The following MDH2 variants were observed in gnomAD, a reference collection of about 807,000 sequenced individuals.
The protein encoded by MDH2 is malate dehydrogenase 2, also known as malate dehydrogenase, mitochondrial.
A neutral mutation model predicts 33.6 loss-of-function variants in MDH2; 25 were observed. The observed-to-expected ratio is 0.74, with a 90% confidence interval of 0.54 to 1.04. MDH2 has a LOEUF of 1.04. Ranked by LOEUF, MDH2 falls within the 50% of genes least tolerant of loss-of-function variation. MDH2 has a pLI of 0.00. For missense variants in MDH2, 432 were observed against 445.0 expected, an observed-to-expected ratio of 0.97 and a Z score of 0.26; for synonymous variants, 193 against 188.7, an observed-to-expected ratio of 1.02 and a Z score of -0.19.
chr7:76,048,653 TC>T lies in MDH2; in HGVS notation c.66+429del, dbSNP rs797031787. On this transcript the variant is annotated intron_variant, in intron 1 of 8. Coordinates refer to ENST00000315758, the MANE Select transcript of MDH2 (RefSeq NM_005918.4). ...GCGTGAATAAAAGAAATCGTATACT[TC>T]CTAATTCCATAGTATGGACAAACCG... is the stretch of plus-strand genomic sequence containing the variant. 6 of 1,263,170 alleles carry T rather than the reference TC, an allele frequency of 4.7e-6. 1 individual carries two copies. The African/African-American group carries it at 9.3e-5, about 20-fold the overall frequency. The allele number at this position is 1,263,170 out of a possible 1,614,324, so 78.2% of individuals were successfully genotyped here.
At chr7:76,053,001 C>T (rs902159759) in intron 1 of MDH2, among the ~76,000 whole-genome samples, 30 of 152,290 alleles carry the variant, frequency 2.0e-4, no homozygotes, top group Admixed American at 1.4e-3. Context: ...ACCACCATGC[C>T]AGCCTGAGCA....
chr7:76,060,587 A>G, intron 5 of MDH2, 89 bp downstream of exon 5: 2 of 1,549,778 alleles, frequency 1.3e-6, no homozygotes, highest in Admixed American at 1.9e-5. Context: ...ACATGAAGGC[A>G]TGCCCAGGTC....
intron 8 of MDH2, among the ~76,000 whole-genome samples, 195 bp from the exon 9 acceptor site, chr7:76,066,084 C>G (rs782237685): frequency 1.3e-5 from 2 of 152,108 alleles, no homozygotes; most frequent in Non-Finnish European, 2.9e-5. Flanking sequence ...GCCTGGCACC[C>G]TCTGGCTCTG....
At chr7:76,062,619 G>A (rs1486953889) in intron 5 of MDH2, among the ~76,000 whole-genome samples, 1 of 152,224 alleles carries the variant, frequency 6.6e-6, no homozygotes, top group Non-Finnish European at 1.5e-5. Flanking sequence ...TCCGTTTTAA[G>A]AAATACTTGG....
chr7:76,056,054 C>T (rs1443134938), intron 2 of MDH2, among the ~76,000 whole-genome samples: 3 of 152,110 alleles, frequency 2.0e-5, no homozygotes, highest in Non-Finnish European at 2.9e-5. Flanking sequence ...TCTAGAACTC[C>T]TGACCTCAAA....
intron 5 of MDH2, among the ~76,000 whole-genome samples, chr7:76,062,640 C>T (rs571007453): frequency 6.4e-4 from 97 of 152,352 alleles, no homozygotes; most frequent in African/African-American, 2.2e-3. Flanking sequence ...TTCAGCCGGG[C>T]GCAGTGGTGC....
At chr7:76,060,606 CT>C in intron 5 of MDH2, 108 bp downstream of exon 5, 1 of 1,482,446 alleles carries the variant, frequency 6.7e-7, no homozygotes, top group Non-Finnish European at 9.0e-7. Context: ...TCACGTGTCA[CT>C]TTGGGGTTTT....
chr7:76,066,227 T>C (rs1798092863), intron 8 of MDH2, 52 bp from the exon 9 acceptor site: 40 of 1,588,276 alleles, frequency 2.5e-5, no homozygotes, highest in African/African-American at 4.1e-5. Context: ...GGGGTTTCTC[T>C]AACAAGCACT....
At chr7:76,065,830 C>T (rs782467516) in intron 8 of MDH2, among the ~76,000 whole-genome samples, 2 of 152,216 alleles carry the variant, frequency 1.3e-5, no homozygotes, top group Non-Finnish European at 2.9e-5. Context: ...ATTCAGGTGA[C>T]TGTGACAATG....
At chr7:76,062,537 G>T (rs1554587159) in intron 5 of MDH2, among the ~76,000 whole-genome samples, 1 of 152,206 alleles carries the variant, frequency 6.6e-6, no homozygotes, top group African/African-American at 2.4e-5. Context: ...CCTAGGACTG[G>T]GCTCTTCAGT....
intron 4 of MDH2, 49 bp from the exon 5 acceptor site, chr7:76,060,324 C>G: frequency 6.2e-7 from 1 of 1,605,462 alleles, no homozygotes; most frequent in East Asian, 2.2e-5. Context: ...TGGCTTGGCC[C>G]TGCTCTCGGA....
chr7:76,060,448 G>C lies in MDH2; in HGVS notation c.505G>C (p.Val169Leu). The change falls in exon 5 of 9, where the codon GTG (valine) becomes CTG (leucine). Residue 169 changes from valine (V) to leucine (L), a missense_variant. Transcript: ENST00000315758. ...GVYNPNKIFG[V>L]TTLDIVRANT... ...GTACAACCCCAACAAAATCTTCGGC[G>C]TGACGACCCTGGACATCGTCAGAGC... 6.2e-7 allele frequency: 1 copy of C among 1,614,126 alleles called. No homozygotes were observed. The highest frequency in any genetic ancestry group is 8.5e-7 in the Non-Finnish European group (1 of 1,180,032).
At chr7:76,064,722 G>A (rs979170659) in intron 7 of MDH2, 80 bp from the exon 8 acceptor site, 2 of 1,471,846 alleles carry the variant, frequency 1.4e-6, no homozygotes, top group Non-Finnish European at 9.1e-7. Flanking sequence ...AGGTGTGCAG[G>A]TGTCTTGGCT....
chr7:76,058,407 C>G (rs78827697), intron 4 of MDH2, among the ~76,000 whole-genome samples: 11,396 of 152,230 alleles, frequency 0.075, 525 homozygotes, highest in Middle Eastern at 0.14. Flanking sequence ...GTGGTGGTCT[C>G]TTGATTCCCT....
intron 1 of MDH2, among the ~76,000 whole-genome samples, chr7:76,049,242 G>C (rs1797504109): frequency 6.6e-6 from 1 of 152,132 alleles, no homozygotes; most frequent in African/African-American, 2.4e-5. Context: ...CAAAAGGCGA[G>C]TTTAACTTTG....
Position 76,064,918 on chromosome 7 carries a change from G to A in MDH2, c.850G>A (p.Glu284Lys). The A allele has an allele frequency of 6.2e-7, 1 of 1,614,178 alleles. No homozygotes were observed. Among genetic ancestry groups the A allele is most frequent in the Non-Finnish European group, 8.5e-7 (1 of 1,180,038 alleles). ...TTCCTTCGTTAAGTCACAGGAAACG[G>A]AATGTACCTACTTCTCCACACCGCT... ...ECSFVKSQET[E>K]CTYFSTPLLL... Residue 284 changes from glutamate to lysine, a missense_variant, in exon 8 of 9, where the codon GAA (glutamate) becomes AAA (lysine). Physicochemically the swap from Glu to Lys is moderately conservative, Grantham distance 56 (BLOSUM62 1). Coordinates refer to ENST00000315758, the MANE Select transcript of MDH2 (RefSeq NM_005918.4).
chr7:76,048,258 A>G, intron 1 of MDH2, 32 bp downstream of exon 1: 3 of 1,527,594 alleles, frequency 2.0e-6, no homozygotes, highest in Non-Finnish European at 2.6e-6. Context: ...CTGCAGGCGG[A>G]GGCCCCCCGG....
At chr7:76,063,622 C>T (rs1554587332) in intron 6 of MDH2, 30 bp downstream of exon 6, 7 of 1,601,854 alleles carry the variant, frequency 4.4e-6, no homozygotes, top group South Asian at 2.2e-5. Context: ...TGAGGGGCTT[C>T]GAGGTCAGGA....
Position 76,062,402 on chromosome 7 carries a change from G to A in MDH2, c.556-1113G>A, listed in dbSNP as rs142638520. Reference sequence around the variant, plus strand: ...CCTGGTGACCGTGCAGTGCCCGCACGTGTGTGCTTATACACCACCAAGCTA... The same window carrying A: ...CCTGGTGACCGTGCAGTGCCCGCACATGTGTGCTTATACACCACCAAGCTA... On this transcript the variant is annotated intron_variant, in intron 5 of 8. Transcript: ENST00000315758. Among the ~76,000 whole-genome samples, 98 of 152,360 alleles carry A rather than the reference G, an allele frequency of 6.4e-4. 1 individual carries two copies. The East Asian group carries it at 0.014, about 22-fold the overall frequency.
Sources: allele counts gnomAD v4.1 joint callset (sites outside exome capture counted in the v4.1 genomes callset), GRCh38; gene constraint gnomAD v4.1.1; transcripts MANE v1.5; gene names NCBI Gene and HGNC (gene_info 2026-07-23, HGNC 2026-07-21).